Variants in RARB observed in about 807,000 individuals in gnomAD.
RARB encodes the protein HBV-activated protein.
A neutral mutation model predicts 51.9 loss-of-function variants in RARB; 17 were observed. That is an observed-to-expected ratio of 0.33 (90% CI 0.22 to 0.49). RARB has a LOEUF of 0.49. Among genes scored for constraint, RARB ranks in the 20% least tolerant of loss-of-function variants. The pLI is 0.99. For synonymous variants in RARB, 215 were observed against 195.4 expected (o/e 1.10, Z -0.84); for missense variants, 369 against 550.8 (o/e 0.67, Z 3.30).
At chr3:24,956,372 C>A (rs901555045) in intron 2 of RARB, among the ~76,000 whole-genome samples, 2 of 152,176 alleles carry the variant, frequency 1.3e-5, no homozygotes, top group Non-Finnish European at 2.9e-5. Context: ...ATGTACTCAA[C>A]AAATAGTAAC....
At chr3:25,107,010 C>T (rs182893817) in intron 3 of RARB, among the ~76,000 whole-genome samples, 5 of 152,176 alleles carry the variant, frequency 3.3e-5, no homozygotes, top group Admixed American at 2.6e-4. Flanking sequence ...AAGCAATTCT[C>T]CTGCCTCAGC....
At chr3:24,889,905 C>T (rs1318549385) in intron 2 of RARB, among the ~76,000 whole-genome samples, 3 of 131,482 alleles carry the variant, frequency 2.3e-5, no homozygotes, top group African/African-American at 8.8e-5. Flanking sequence ...TAAGAGCAGG[C>T]ATGAAAAAAA....
chr3:25,315,691 G>A (rs909132142), intron 5 of RARB, among the ~76,000 whole-genome samples: 2 of 152,246 alleles, frequency 1.3e-5, no homozygotes, highest in East Asian at 3.9e-4. Flanking sequence ...TCAGCTCACT[G>A]CAACCTCTGC....
At chr3:24,957,041 T>G (rs1240594409) in intron 2 of RARB, among the ~76,000 whole-genome samples, 1 of 152,202 alleles carries the variant, frequency 6.6e-6, no homozygotes, top group Non-Finnish European at 1.5e-5. Flanking sequence ...AACTATTAGA[T>G]GCTGGCTGCC....
At chr3:24,953,834 A>G (rs1695951360) in intron 2 of RARB, among the ~76,000 whole-genome samples, 1 of 152,000 alleles carries the variant, frequency 6.6e-6, no homozygotes, top group Admixed American at 6.6e-5. Flanking sequence ...CTCCTACTTG[A>G]CTTCTTGTCC....
At chr3:25,337,881 C>T (rs762084593) in intron 5 of RARB, among the ~76,000 whole-genome samples, 11 of 152,012 alleles carry the variant, frequency 7.2e-5, no homozygotes, top group Non-Finnish European at 1.5e-4. Context: ...AGTGGATACT[C>T]AATAAATATT....
At chr3:25,107,801 C>G (rs1232072189) in intron 3 of RARB, among the ~76,000 whole-genome samples, 2 of 152,182 alleles carry the variant, frequency 1.3e-5, no homozygotes, top group Non-Finnish European at 2.9e-5. Flanking sequence ...GCAAAACTAA[C>G]ATAAATTTTT....
rs141799139 is a variant in RARB at position 24,849,022 on chromosome 3, G to A, written c.-458-9652G>A. Among the ~76,000 whole-genome samples the A allele has an allele frequency of 2.0e-3, 304 of 152,320 alleles. 1 individual carries two copies. The highest frequency in any genetic ancestry group is 3.7e-3 in the Non-Finnish European group (251 of 68,032). On this transcript the variant is annotated intron_variant, in intron 1 of 11. Coordinates refer to the RARB transcript ENST00000383772. ...TCCTTAACCAGCTGTTCTGGCTATAGTAGTCCACTGTTATCTGCAGGGGAT... is the reference window on the plus strand; with the variant it reads ...TCCTTAACCAGCTGTTCTGGCTATAATAGTCCACTGTTATCTGCAGGGGAT...
intron 5 of RARB, among the ~76,000 whole-genome samples, chr3:25,181,452 A>T (rs1265206498): frequency 6.6e-6 from 1 of 152,130 alleles, no homozygotes; most frequent in Non-Finnish European, 1.5e-5. Context: ...TTTGCTGGTG[A>T]GGGAATTTTG....
At chr3:25,365,086 C>G (rs1575345264) in intron 5 of RARB, among the ~76,000 whole-genome samples, 1 of 151,906 alleles carries the variant, frequency 6.6e-6, no homozygotes, top group African/African-American at 2.4e-5. Flanking sequence ...CCTAAAAATT[C>G]TCCCAAATGT....
intron 5 of RARB, among the ~76,000 whole-genome samples, chr3:25,224,836 C>A (rs1702020357): frequency 6.6e-6 from 1 of 151,938 alleles, no homozygotes; most frequent in Non-Finnish European, 1.5e-5. Flanking sequence ...GACTCCTAGG[C>A]TCGAGCAATC....
intron 2 of RARB, among the ~76,000 whole-genome samples, chr3:25,044,018 G>C (rs1698164405): frequency 6.8e-6 from 1 of 147,892 alleles, no homozygotes; most frequent in African/African-American, 2.5e-5. Flanking sequence ...GACCTCTCAG[G>C]TTTTCCCATT....
chr3:25,206,439 C>A (rs1222695724), intron 5 of RARB, among the ~76,000 whole-genome samples: 2 of 152,156 alleles, frequency 1.3e-5, no homozygotes, highest in Non-Finnish European at 2.9e-5. Context: ...GAGGATTTTG[C>A]TGGCTACTCA....
intron 1 of RARB, among the ~76,000 whole-genome samples, chr3:24,846,868 T>C (rs1189301572): frequency 1.4e-5 from 2 of 141,636 alleles, no homozygotes; most frequent in African/African-American, 2.8e-5. Context: ...TGGCCAAAAT[T>C]GGAAAAAAAA....
At chr3:25,406,121 A>C (rs1389137485) in intron 5 of RARB, among the ~76,000 whole-genome samples, 1 of 151,992 alleles carries the variant, frequency 6.6e-6, no homozygotes, top group Non-Finnish European at 1.5e-5. Context: ...CGTGACTCTG[A>C]CCTTCACCAA....
At chr3:25,472,060 C>T (rs970826783) in intron 2 of RARB, among the ~76,000 whole-genome samples, 3 of 152,218 alleles carry the variant, frequency 2.0e-5, no homozygotes, top group South Asian at 2.1e-4. Flanking sequence ...TTATATCTTA[C>T]ATTCCTATAG....
In RARB at chr3:25,421,888, G is replaced by A. The variant is rs138570080; in HGVS notation, c.179-39305G>A. Among the ~76,000 whole-genome samples, 1,369 of 152,256 alleles carry A rather than the reference G, an allele frequency of 9.0e-3. 11 individuals are homozygous for A. Among genetic ancestry groups the A allele is most frequent in the Non-Finnish European group, 0.014 (942 of 68,026 alleles). ...TAAACACAGGTAGTGTCTAAACTCT[G>A]TGGCCCCACCTACCATGTTACACTG... is the stretch of plus-strand genomic sequence containing the variant. On this transcript the variant is annotated intron_variant, in intron 5 of 11. Coordinates refer to the RARB transcript ENST00000383772.
At chr3:25,547,016 G>A (rs1000027855) in intron 3 of RARB, among the ~76,000 whole-genome samples, 12 of 152,090 alleles carry the variant, frequency 7.9e-5, no homozygotes, top group African/African-American at 2.7e-4. Context: ...GCCTTGATGG[G>A]CTTCCTAAAA....
chr3:25,073,904 T>C (rs1053207792), intron 3 of RARB, among the ~76,000 whole-genome samples: 1 of 152,312 alleles, frequency 6.6e-6, no homozygotes, highest in East Asian at 1.9e-4. Flanking sequence ...CAGTTTTAAA[T>C]TGAAAGTATG....
Sources: allele counts gnomAD v4.1 joint callset (sites outside exome capture counted in the v4.1 genomes callset), GRCh38; gene constraint gnomAD v4.1.1; transcripts MANE v1.5; gene names NCBI Gene and HGNC (gene_info 2026-07-23, HGNC 2026-07-21).